CAMTA1: variants seen among roughly 807,000 people sequenced by gnomAD.
CAMTA1 encodes calmodulin binding transcription activator 1.
A neutral mutation model predicts 170.9 loss-of-function variants in CAMTA1; 27 were observed. The observed-to-expected ratio is 0.16, with a 90% CI of 0.12 to 0.22. The LOEUF (loss-of-function observed/expected upper bound fraction) is 0.22, where lower values mean the gene tolerates loss of function less well. Among genes scored for constraint, CAMTA1 ranks in the 10% least tolerant of loss-of-function variants. The pLI, the probability that CAMTA1 is intolerant of heterozygous loss-of-function variation, is 1.00. For missense variants in CAMTA1, 1,619 were observed against 2,217.2 expected (o/e 0.73, Z 5.42); for synonymous variants, 833 against 891.5 (o/e 0.93, Z 1.17).
chr1:6,953,347 G>C (rs1173656103), intron 3 of CAMTA1, among the ~76,000 whole-genome samples: 1 of 152,216 alleles, frequency 6.6e-6, no homozygotes. Flanking sequence ...GGAGGGGCCA[G>C]GGTCCAACCC....
At chr1:6,924,392 T>C (rs1682666265) in intron 3 of CAMTA1, among the ~76,000 whole-genome samples, 1 of 152,094 alleles carries the variant, frequency 6.6e-6, no homozygotes, top group South Asian at 2.1e-4. Context: ...TGAGCGGACC[T>C]TGAGCAGCCT....
chr1:6,934,063 G>A lies in CAMTA1; in HGVS notation c.234+108853G>A, dbSNP rs189598518. Among the ~76,000 whole-genome samples, 1 of 152,310 alleles carries A rather than the reference G, an allele frequency of 6.6e-6. No homozygotes were observed. The highest frequency in any genetic ancestry group is 2.4e-5 in the African/African-American group (1 of 41,564). On this transcript the variant is annotated intron_variant, in intron 3 of 22. Transcript: ENST00000303635. This position sits in a 1 kb window ranked among gnomAD's most constrained non-coding sequence, Gnocchi z 4.5. ...AGCCTCACATTGCTCTCTGCAGATG[G>A]CCTCTTCTGGAGCTATGCCACCTGC...
chr1:6,961,908 A>G (rs768560911), intron 3 of CAMTA1, among the ~76,000 whole-genome samples: 21 of 152,124 alleles, frequency 1.4e-4, no homozygotes, highest in Non-Finnish European at 2.6e-4. Flanking sequence ...AGGTTGTTGC[A>G]GGGAAGCCCC....
intron 6 of CAMTA1, among the ~76,000 whole-genome samples, chr1:7,558,742 G>A (rs2094916391): frequency 6.6e-6 from 1 of 152,344 alleles, no homozygotes; most frequent in Non-Finnish European, 1.5e-5. Flanking sequence ...GCAGCCCCAG[G>A]CCTCTATACA....
chr1:7,494,460 G>A (rs1356918760), intron 6 of CAMTA1, among the ~76,000 whole-genome samples: 2 of 152,142 alleles, frequency 1.3e-5, no homozygotes, highest in African/African-American at 2.4e-5. Flanking sequence ...TTGAAACCAT[G>A]AGCGGGAAGC....
chr1:7,580,470 C>A lies in CAMTA1; in HGVS notation c.511-59930C>A, dbSNP rs2095250486. Among the ~76,000 whole-genome samples the A allele has an allele frequency of 6.6e-6, 1 of 152,070 alleles. No individual in the cohort carries two copies. The highest frequency in any genetic ancestry group is 1.5e-5 in the Non-Finnish European group (1 of 67,996). ...GATGAGGTCCCAGGGGTAGTGTGCCCCACTTTGGGCATGGAAGACATCATG... is the reference window on the plus strand; with the variant it reads ...GATGAGGTCCCAGGGGTAGTGTGCCACACTTTGGGCATGGAAGACATCATG... On this transcript the variant is annotated intron_variant, in intron 6 of 22. Coordinates refer to ENST00000303635, the MANE Select transcript of CAMTA1 (RefSeq NM_015215.4). This position sits in a 1 kb window ranked among gnomAD's most constrained non-coding sequence, Gnocchi z 4.3.
chr1:7,475,996 C>G (rs2093414440), intron 6 of CAMTA1, among the ~76,000 whole-genome samples: 1 of 152,212 alleles, frequency 6.6e-6, no homozygotes, highest in Non-Finnish European at 1.5e-5. Flanking sequence ...AGGGACCAGT[C>G]CTGATGCCAA....
chr1:7,512,115 T>TTTCA (rs1459903627), intron 6 of CAMTA1, among the ~76,000 whole-genome samples: 1 of 152,228 alleles, frequency 6.6e-6, no homozygotes, highest in Non-Finnish European at 1.5e-5. Flanking sequence ...ATGAAAGTGC[T>TTTCA]TTCATTCATT....
rs1225028429 is a variant in CAMTA1, at chr1:7,594,343, C to T, written c.511-46057C>T. On this transcript the variant is annotated intron_variant, in intron 6 of 22. Transcript: ENST00000303635. ...GAATGTTCCAGACAGGGGGACCAGC[C>T]GGGGTAAAGGCACCAAGGCTGGGAG... Among the ~76,000 whole-genome samples the T allele has an allele frequency of 2.6e-5, 4 of 151,948 alleles. No individual in the cohort carries two copies. The South Asian group carries it at 6.2e-4, about 24-fold the overall frequency.
chr1:7,194,661 T>C (rs1655177366), intron 4 of CAMTA1, among the ~76,000 whole-genome samples: 1 of 152,202 alleles, frequency 6.6e-6, no homozygotes, highest in Non-Finnish European at 1.5e-5. Flanking sequence ...TAGCCCTTTA[T>C]TTGTGGCAAG....
intron 4 of CAMTA1, among the ~76,000 whole-genome samples, chr1:7,134,968 C>T (rs57756471): frequency 0.32 from 48,341 of 151,946 alleles, 8,052 homozygotes; most frequent in Middle Eastern, 0.44. Flanking sequence ...AGACACTTCT[C>T]AAAAGAAAAC....
At position 7,167,463 on chromosome 1, in the gene CAMTA1, C is replaced by A. The variant is rs188081062; in HGVS notation, c.302+76092C>A. Among the ~76,000 whole-genome samples, 289 of 150,006 alleles carry A rather than the reference C, an allele frequency of 1.9e-3. 7 individuals carry two copies. The South Asian group carries it at 0.041, about 21-fold the overall frequency. On this transcript the variant is annotated intron_variant, in intron 4 of 22. Transcript: ENST00000303635. ...TAGTCGTCAGTTTGTCTATTCTTGT[C>A]TCAGCACACCATCAGTTCAGTTGCT...
At chr1:7,636,548 C>G (rs567992950) in intron 6 of CAMTA1, among the ~76,000 whole-genome samples, 3 of 152,232 alleles carry the variant, frequency 2.0e-5, no homozygotes, top group Admixed American at 1.3e-4. Flanking sequence ...GAAACCCCAT[C>G]TCTACTAAAA....
chr1:7,276,301 A>ATTTTTTTTTTTTTTT (rs1487709367), intron 5 of CAMTA1, among the ~76,000 whole-genome samples: 1 of 20,460 alleles, frequency 4.9e-5, no homozygotes, highest in Non-Finnish European at 6.7e-5. Context: ...ATATATATAT[A>ATTTTTTTTTTTTTTT]TATTTTTTTT....
chr1:6,828,545 C>A (rs1201362641), intron 3 of CAMTA1, among the ~76,000 whole-genome samples: 1 of 152,096 alleles, frequency 6.6e-6, no homozygotes, highest in African/African-American at 2.4e-5. Flanking sequence ...CCACCTCAGC[C>A]TCCCAAAGTG....
chr1:7,686,788 C>G (rs1161507135), intron 11 of CAMTA1, among the ~76,000 whole-genome samples: 1 of 152,008 alleles, frequency 6.6e-6, no homozygotes, highest in East Asian at 1.9e-4. Context: ...TCCTGAGGGA[C>G]AGGGTGGGTT....
rs1650093729 is a variant in CAMTA1, at chr1:7,173,441, A to G, written c.303-76050A>G. On this transcript the variant is annotated intron_variant, in intron 4 of 22. Coordinates refer to ENST00000303635, the MANE Select transcript of CAMTA1 (RefSeq NM_015215.4). The surrounding 1 kb of genome is among the most constrained non-coding windows in gnomAD (Gnocchi z 5.4). ...TCACTCTAGTCATCCAGGCTGGAGT[A>G]TAACAGTGTGATCTTGGCTCACTGC... is the stretch of plus-strand genomic sequence containing the variant. Among the ~76,000 whole-genome samples the G allele has an allele frequency of 6.6e-6, 1 of 152,218 alleles. No homozygotes were observed. The highest frequency in any genetic ancestry group is 2.1e-4 in the South Asian group (1 of 4,814).
At chr1:7,666,940 G>C (rs1450297375) in intron 9 of CAMTA1, among the ~76,000 whole-genome samples, 1 of 152,158 alleles carries the variant, frequency 6.6e-6, no homozygotes, top group Non-Finnish European at 1.5e-5. Context: ...CCAGGCTGGA[G>C]TGCAATGGCG....
intron 4 of CAMTA1, among the ~76,000 whole-genome samples, chr1:7,103,560 TACAC>T (rs757753548): frequency 8.8e-4 from 23 of 26,064 alleles, no homozygotes; most frequent in Middle Eastern, 0.028. Context: ...ACTACACACA[TACAC>T]ACAACACAAC....
Sources: gnomAD v4.1 joint callset for allele counts (sites outside exome capture counted in the v4.1 genomes callset) on GRCh38, gnomAD v4.1.1 for gene constraint, Gnocchi (gnomAD v3.1) non-coding constraint, MANE v1.5 for transcripts, NCBI Gene and HGNC (gene_info 2026-07-23, HGNC 2026-07-21) for gene names.